The following SLC71A2 variants were observed in gnomAD, a reference collection of about 807,000 sequenced individuals.
SLC71A2 encodes hippocampus abundant transcript-like 1.
chr9:94,443,868 G>T, the SLC71A2 span, among the ~76,000 whole-genome samples: 30 of 152,280 alleles, frequency 2.0e-4, no homozygotes, highest in African/African-American at 7.2e-4. Context: ...CAAGAGCTTT[G>T]TCTTCTTCAT....
chr9:94,401,106 G>A, the SLC71A2 span, among the ~76,000 whole-genome samples: 6 of 149,548 alleles, frequency 4.0e-5, no homozygotes, highest in African/African-American at 7.4e-5. Flanking sequence ...TTTTTGAGAC[G>A]GAGTTTCGCT....
the SLC71A2 span, among the ~76,000 whole-genome samples, chr9:94,391,369 A>G: frequency 6.6e-6 from 1 of 151,722 alleles, no homozygotes; most frequent in Non-Finnish European, 1.5e-5. Flanking sequence ...TCTTAAAAAA[A>G]AAAAAAAAGG....
the SLC71A2 span, among the ~76,000 whole-genome samples, chr9:94,410,879 C>A: frequency 6.6e-6 from 1 of 152,328 alleles, no homozygotes; most frequent in South Asian, 2.1e-4. Flanking sequence ...GGTTCTCCTG[C>A]CTCAGCCTCC....
At chr9:94,379,089 C>CTTTTTTTTTT in the SLC71A2 span, among the ~76,000 whole-genome samples, 15 of 84,104 alleles carry the variant, frequency 1.8e-4, 1 homozygote, top group East Asian at 3.9e-4. Context: ...TGTGCATTTC[C>CTTTTTTTTTT]TTTTTTTTTT....
the SLC71A2 span, among the ~76,000 whole-genome samples, chr9:94,456,072 C>T: frequency 7.9e-5 from 12 of 151,944 alleles, no homozygotes; most frequent in African/African-American, 2.9e-4. Context: ...TCCAGTGTCA[C>T]ATGTAACCTT....
chr9:94,440,214 C>T, the SLC71A2 span, among the ~76,000 whole-genome samples: 1,227 of 151,676 alleles, frequency 8.1e-3, 19 homozygotes, highest in African/African-American at 0.028. Flanking sequence ...AGTGCAGTGG[C>T]GCGATCTTGG....
chr9:94,458,489 T>C, the SLC71A2 span: 1 of 1,610,726 alleles, frequency 6.2e-7, no homozygotes, highest in South Asian at 1.1e-5. Flanking sequence ...AGTCTAGTTT[T>C]GTAACAACAA....
chr9:94,451,573 G>A, the SLC71A2 span: 1 of 1,004,772 alleles, frequency 1.0e-6, no homozygotes, highest in Non-Finnish European at 1.5e-6. Flanking sequence ...AAAATATCCT[G>A]ATAACCATAG....
chr9:94,458,221 G>A, the SLC71A2 span: 3 of 991,512 alleles, frequency 3.0e-6, no homozygotes, highest in Middle Eastern at 3.4e-4. Context: ...CCTCAGTCTT[G>A]CCGAATTAGT....
At chr9:94,415,220 T>C in the SLC71A2 span, 3 of 1,613,960 alleles carry the variant, frequency 1.9e-6, no homozygotes, top group Non-Finnish European at 2.5e-6. Flanking sequence ...TTGAATTCTT[T>C]GCGTGGGGCC....
At chr9:94,383,056 G>T in the SLC71A2 span, among the ~76,000 whole-genome samples, 1 of 150,374 alleles carries the variant, frequency 6.7e-6, no homozygotes, top group Non-Finnish European at 1.5e-5. Flanking sequence ...GTTTAATTTT[G>T]ATTACATTTT....
chr9:94,391,516 AAATT>A, the SLC71A2 span, among the ~76,000 whole-genome samples: 2 of 151,640 alleles, frequency 1.3e-5, no homozygotes, highest in African/African-American at 2.4e-5. Flanking sequence ...TCAGGAGGAG[AAATT>A]AATTACTATG....
the SLC71A2 span, among the ~76,000 whole-genome samples, chr9:94,395,532 T>C: frequency 2.9e-3 from 447 of 152,204 alleles, 1 homozygote; most frequent in Non-Finnish European, 4.8e-3. Flanking sequence ...TATTTGCTCT[T>C]CCCAGTGTGC....
chr9:94,387,218 A>G, the SLC71A2 span, among the ~76,000 whole-genome samples: 1 of 151,672 alleles, frequency 6.6e-6, no homozygotes, highest in East Asian at 1.9e-4. Flanking sequence ...TTTTTCCCTC[A>G]CCATCTTCAT....
the SLC71A2 span, chr9:94,461,035 CAAA>C: frequency 4.6e-5 from 7 of 151,716 alleles, no homozygotes; most frequent in African/African-American, 1.7e-4. Flanking sequence ...TATGTATTTT[CAAA>C]AAAATTTTAT....
the SLC71A2 span, among the ~76,000 whole-genome samples, chr9:94,377,844 C>T: frequency 6.6e-6 from 1 of 152,140 alleles, no homozygotes; most frequent in Non-Finnish European, 1.5e-5. Context: ...CGGTGGCTCA[C>T]ACCTGTAATC....
the SLC71A2 span, among the ~76,000 whole-genome samples, chr9:94,394,084 C>G: frequency 6.8e-6 from 1 of 146,548 alleles, no homozygotes; most frequent in South Asian, 2.3e-4. Context: ...AGAATATTTA[C>G]AAAAACAGTT....
At chr9:94,449,892 A>G in the SLC71A2 span, among the ~76,000 whole-genome samples, 2 of 152,260 alleles carry the variant, frequency 1.3e-5, no homozygotes, top group African/African-American at 2.4e-5. Context: ...GTAAAAAGCA[A>G]TGAAGTACAG....
At chr9:94,375,233 C>T in the SLC71A2 span, among the ~76,000 whole-genome samples, 1 of 151,876 alleles carries the variant, frequency 6.6e-6, no homozygotes, top group Non-Finnish European at 1.5e-5. Flanking sequence ...GTTTTCCTGG[C>T]GCAGTTTCTC....
Sources: allele counts gnomAD v4.1 joint callset (sites outside exome capture counted in the v4.1 genomes callset), GRCh38; gene constraint gnomAD v4.1.1; transcripts MANE v1.5; gene names NCBI Gene and HGNC (gene_info 2026-07-23, HGNC 2026-07-21).